Variants in MYH9 observed in about 807,000 individuals in gnomAD.
MYH9 encodes myosin heavy chain 9.
MYH9 carries 29 observed loss-of-function variants against 241.9 expected under a neutral mutation model. The observed-to-expected ratio is 0.12, with a 90% CI of 0.09 to 0.16. MYH9 has a LOEUF of 0.16. Among genes scored for constraint, MYH9 ranks in the 10% least tolerant of loss-of-function variants. The pLI is 1.00. For synonymous variants in MYH9, 1,047 were observed against 1,062.6 expected (o/e 0.99, Z 0.29); for missense variants, 1,803 against 2,595.5 (o/e 0.69, Z 6.63).
chr22:36,296,920 G>A lies in MYH9; in HGVS notation c.3195C>T (p.Ala1065=), dbSNP rs148781875. The A allele has an allele frequency of 6.2e-6, 10 of 1,613,986 alleles. No homozygotes were observed. The highest frequency in any genetic ancestry group is 4.5e-5 in the East Asian group (2 of 44,880). ...GDSTDLSDQI[A]ELQAQIAELK... Reference sequence around the variant, plus strand: ...GCTCCGCGATCTGGGCCTGGAGCTCGGCGATCTGGTCGCTGAGGTCTGTGG... The same window carrying A: ...GCTCCGCGATCTGGGCCTGGAGCTCAGCGATCTGGTCGCTGAGGTCTGTGG... The change falls in exon 25 of 41, where the codon GCC becomes GCT. Residue 1065 remains alanine, a synonymous_variant. Transcript: ENST00000216181.
chr22:36,320,935 G>C lies in MYH9; in HGVS notation c.770-39C>G. On this transcript the variant is annotated intron_variant, in intron 7 of 40. Transcript: ENST00000216181. The surrounding 1 kb of genome is among the most constrained non-coding windows in gnomAD (Gnocchi z 4.8). ...AAGGAGCAACACAAGCTGGGGAGAA[G>C]GCAAGCCCTCCACTTTCCTCATTTT... 1 of 1,562,746 alleles carries C rather than the reference G, an allele frequency of 6.4e-7. No homozygotes were observed. The highest frequency in any genetic ancestry group is 8.8e-7 in the Non-Finnish European group (1 of 1,136,416).
chr22:36,379,246 G>A (rs1428415655), intron 1 of MYH9, among the ~76,000 whole-genome samples: 1 of 152,202 alleles, frequency 6.6e-6, no homozygotes, highest in African/African-American at 2.4e-5. Flanking sequence ...GGTGGCTCAC[G>A]CCTGTAATCC....
intron 1 of MYH9, among the ~76,000 whole-genome samples, chr22:36,381,453 G>A (rs1230599484): frequency 6.6e-6 from 1 of 151,058 alleles, no homozygotes; most frequent in Non-Finnish European, 1.5e-5. Context: ...GGAGGTGGAG[G>A]TTGCAGTGAG....
chr22:36,295,087 AAATCCCCTCAGAGTGG>A lies in MYH9; in HGVS notation c.3486-27_3486-12del, dbSNP rs1180670296. The A allele has an allele frequency of 1.2e-6, 2 of 1,613,998 alleles. No homozygotes were observed. The highest frequency in any genetic ancestry group is 2.7e-5 in the African/African-American group (2 of 74,914). On this transcript the variant is annotated splice_polypyrimidine_tract_variant and intron_variant, in intron 26 of 40. Coordinates refer to ENST00000216181, the MANE Select transcript of MYH9 (RefSeq NM_002473.6). This position sits in a 1 kb window ranked among gnomAD's most constrained non-coding sequence, Gnocchi z 4.1. ...TGCTCACGTTTTGACCTGGACAGAGAAATCCCCTCAGAGTGGAGGCCGGGGATGCTGGAGCGAGGCT... is the reference window on the plus strand; with the variant it reads ...TGCTCACGTTTTGACCTGGACAGAGAAGGCCGGGGATGCTGGAGCGAGGCT...
At position 36,322,435 on chromosome 22, in the gene MYH9, G is replaced by C. The variant is rs1366138298; in HGVS notation, c.699C>G (p.Ser233=). Residue 233 remains serine (S), a synonymous_variant, in exon 6 of 41, where the codon TCC becomes TCG. Transcript: ENST00000216181. ...NAKTVKNDNS[S]RFGKFIRINF... is the part of the protein sequence containing the mutation. ...GCGCCGCCGCGCTACTCACGAAGCGGGAGGAGTTGTCATTCTTCACGGTCT... is the reference window on the plus strand; with the variant it reads ...GCGCCGCCGCGCTACTCACGAAGCGCGAGGAGTTGTCATTCTTCACGGTCT... The C allele has an allele frequency of 6.2e-7, 1 of 1,613,910 alleles. No homozygotes were observed. The highest frequency in any genetic ancestry group is 1.7e-5 in the Admixed American group (1 of 60,024).
intron 24 of MYH9, chr22:36,297,274 G>GT (rs2016803540): frequency 1.9e-6 from 1 of 528,232 alleles, no homozygotes; most frequent in Non-Finnish European, 3.4e-6. Flanking sequence ...GCTGGTGTTT[G>GT]TAATTCCCTT....
chr22:36,359,805 A>G (rs1000928698), intron 1 of MYH9, among the ~76,000 whole-genome samples: 5 of 152,188 alleles, frequency 3.3e-5, no homozygotes, highest in Admixed American at 1.3e-4. Flanking sequence ...TGGCAACATC[A>G]ACCTTTGGTA....
chr22:36,304,001 G>A lies in MYH9; in HGVS notation c.2384C>T (p.Ala795Val). Residue 795 changes from alanine to valine, a missense_variant, in exon 19 of 41, where the codon GCC becomes GTC. By Grantham distance (64) the Ala-to-Val change is moderately conservative (BLOSUM62 0). Transcript: ENST00000216181. ...AGTATCTCCCGGGACTCACTTCCTG[G>A]CCAGGTAGCCCCTGCAGCAGGCCTG... Reference protein sequence around the residue: ...GFQACCRGYLARKAFAKRQQQ... With the variant: ...GFQACCRGYLVRKAFAKRQQQ... The A allele has an allele frequency of 6.2e-7, 1 of 1,613,458 alleles. No homozygotes were observed. Among genetic ancestry groups the A allele is most frequent in the Non-Finnish European group, 8.5e-7 (1 of 1,179,994 alleles).
At chr22:36,283,122 C>T (rs967135021) in intron 40 of MYH9, among the ~76,000 whole-genome samples, 5 of 152,158 alleles carry the variant, frequency 3.3e-5, no homozygotes, top group Admixed American at 6.5e-5. Flanking sequence ...CCTATAAAAC[C>T]GGTGAAACCA....
At chr22:36,302,260 A>G in intron 20 of MYH9, 1 of 343,876 alleles carries the variant, frequency 2.9e-6, no homozygotes, top group East Asian at 6.5e-5. Flanking sequence ...ATTATACACA[A>G]AAGCAGCCCG....
At chr22:36,375,011 C>G (rs192923752) in intron 1 of MYH9, among the ~76,000 whole-genome samples, 2 of 152,186 alleles carry the variant, frequency 1.3e-5, no homozygotes, top group East Asian at 3.8e-4. Flanking sequence ...TTTCCAGCAT[C>G]GGTATCTGGT....
At chr22:36,317,824 C>G (rs61594085) in intron 11 of MYH9, among the ~76,000 whole-genome samples, 1 of 152,366 alleles carries the variant, frequency 6.6e-6, no homozygotes, top group East Asian at 1.9e-4. Context: ...TTGGCACAGG[C>G]TCGAGGATGG....
intron 1 of MYH9, among the ~76,000 whole-genome samples, chr22:36,362,347 C>A (rs1411634098): frequency 2.0e-5 from 3 of 152,116 alleles, no homozygotes; most frequent in African/African-American, 7.2e-5. Context: ...CCAAGCAATC[C>A]CAGGAGCTCC....
At chr22:36,287,181 C>T (rs796999743) in intron 34 of MYH9, among the ~76,000 whole-genome samples, 16 of 152,334 alleles carry the variant, frequency 1.1e-4, no homozygotes, top group African/African-American at 2.9e-4. Context: ...CCCAGCCTGC[C>T]GGTCCATCCC....
chr22:36,289,130 C>T lies in MYH9; in HGVS notation c.4512G>A (p.Thr1504=), dbSNP rs371508662. The change falls in exon 32 of 41, where the codon ACG becomes ACA. Residue 1504 remains threonine (T), a synonymous_variant. Transcript: ENST00000216181. ...TGGAGCTCATAAGGTCCTCCATCTC[C>T]GTGCGGAACTGCTTGTTGAGCCGCT... The part of the protein sequence containing the change: ...ELERLNKQFR[T]EMEDLMSSKD... 5.0e-6 allele frequency: 8 copies of T among 1,614,136 alleles called. No homozygotes were observed. The highest frequency in any genetic ancestry group is 2.2e-5 in the South Asian group (2 of 91,086).
intron 1 of MYH9, among the ~76,000 whole-genome samples, chr22:36,354,956 A>AACACCCACACACACACACAC (rs2017830617): frequency 8.1e-6 from 1 of 123,638 alleles, no homozygotes; most frequent in Admixed American, 8.4e-5. Context: ...CAAAAAACAA[A>AACACCCACACACACACACAC]ACACACACAC....
chr22:36,302,051 T>C (rs2016887271), intron 20 of MYH9, among the ~76,000 whole-genome samples: 8 of 152,162 alleles, frequency 5.3e-5, no homozygotes, highest in Admixed American at 5.2e-4. Context: ...TACAACTGTT[T>C]ATATGAGTCA....
In MYH9 at chr22:36,286,810, T is replaced by A. The variant is rs752423809; in HGVS notation, c.4969A>T (p.Thr1657Ser). Residue 1657 changes from threonine to serine, a missense_variant, in exon 35 of 41, where the codon ACC becomes TCC. This residue lies in a region of MYH9 where 876 missense variants were observed against 1,077.8 expected (regional missense o/e 0.81). Transcript: ENST00000216181. ...AGGATCTCCTCACGAGAGGCGCGGG[T>A]GTCATCCAGCTCGCGCATGCAGTCC... ...MKDCMRELDD[T>S]RASREEILAQ... 6.2e-7 allele frequency: 1 copy of A among 1,611,414 alleles called. No individual in the cohort carries two copies. The highest frequency in any genetic ancestry group is 8.5e-7 in the Non-Finnish European group (1 of 1,180,006).
chr22:36,376,858 T>A (rs2018175788), intron 1 of MYH9, among the ~76,000 whole-genome samples: 1 of 151,918 alleles, frequency 6.6e-6, no homozygotes, highest in African/African-American at 2.4e-5. Flanking sequence ...AGGTCTAGAG[T>A]TTGAGACCAG....
Sources: gnomAD v4.1 joint callset for allele counts (sites outside exome capture counted in the v4.1 genomes callset) on GRCh38, gnomAD v4.1.1 for gene constraint, gnomAD v4.1.1 regional missense constraint, Gnocchi (gnomAD v3.1) non-coding constraint, MANE v1.5 for transcripts, NCBI Gene and HGNC (gene_info 2026-07-23, HGNC 2026-07-21) for gene names.